The following PTPRJ variants were observed in gnomAD, a reference collection of about 807,000 sequenced individuals.
The protein encoded by PTPRJ is protein tyrosine phosphatase receptor type J.
PTPRJ carries 129 observed loss-of-function variants against 141.3 expected under a neutral mutation model. That is an observed-to-expected ratio of 0.91 (90% confidence interval 0.79 to 1.06). The LOEUF (loss-of-function observed/expected upper bound fraction) is 1.06, where lower values mean the gene tolerates loss of function less well. Among genes scored for constraint, PTPRJ ranks in the 50% least tolerant of loss-of-function variants. The pLI, the probability that PTPRJ is intolerant of heterozygous loss-of-function variation, is 0.00. For synonymous variants in PTPRJ, 610 were observed against 640.5 expected, an observed-to-expected ratio of 0.95 and a Z score of 0.72; for missense variants, 1,601 against 1,679.7, an observed-to-expected ratio of 0.95 and a Z score of 0.82.
At chr11:48,057,519 C>T (rs1287419994) in intron 1 of PTPRJ, among the ~76,000 whole-genome samples, 6 of 152,060 alleles carry the variant, frequency 3.9e-5, no homozygotes, top group African/African-American at 9.7e-5. Flanking sequence ...AGGCCAGTCA[C>T]GGGCAGCCTT....
intron 1 of PTPRJ, among the ~76,000 whole-genome samples, chr11:48,001,125 T>C (rs1166334288): frequency 6.6e-6 from 1 of 151,604 alleles, no homozygotes; most frequent in Non-Finnish European, 1.5e-5. Flanking sequence ...TCCCCAGTAG[T>C]TGGGACTACA....
intron 3 of PTPRJ, among the ~76,000 whole-genome samples, chr11:48,118,740 CA>C (rs1856628749): frequency 6.6e-6 from 1 of 151,930 alleles, no homozygotes; most frequent in Admixed American, 6.5e-5. Context: ...AACATTTGAC[CA>C]AAAAATATTG....
At chr11:48,149,392 A>G in intron 15 of PTPRJ, 55 bp from the exon 16 acceptor site, 2 of 1,211,636 alleles carry the variant, frequency 1.7e-6, no homozygotes, top group Non-Finnish European at 2.4e-6. Flanking sequence ...ACACAAGGGA[A>G]AAGCACAGGA....
At position 48,160,050 on chromosome 11, in the gene PTPRJ, G is replaced by T. The variant is rs964749729; in HGVS notation, c.3558+1G>T. 3 of 1,613,626 alleles carry T rather than the reference G, an allele frequency of 1.9e-6. No individual in the cohort carries two copies. In the African/African-American group the frequency reaches 4.0e-5, roughly 22 times the overall value. ...CATCAGAGATTTCACAGTGAAAAAT[G>T]TAAGTAAGAAGTCAGGATCAGTTGA... On this transcript the variant is annotated splice_donor_variant, in intron 22 of 24. Transcript: ENST00000418331. LOFTEE classifies it high-confidence loss of function.
intron 1 of PTPRJ, among the ~76,000 whole-genome samples, chr11:48,100,888 G>GAAA (rs71457246): frequency 1.1e-5 from 1 of 90,352 alleles, no homozygotes; most frequent in Non-Finnish European, 2.4e-5. Flanking sequence ...GTCTCAAAAA[G>GAAA]AAAAAAAAAA....
At chr11:48,048,342 G>A (rs990942074) in intron 1 of PTPRJ, among the ~76,000 whole-genome samples, 1 of 152,136 alleles carries the variant, frequency 6.6e-6, no homozygotes, top group Admixed American at 6.5e-5. Flanking sequence ...GCAGTGCCCC[G>A]CTGCTGGGAA....
chr11:48,146,397 G>A (rs1232180253), intron 14 of PTPRJ, among the ~76,000 whole-genome samples: 1 of 152,172 alleles, frequency 6.6e-6, no homozygotes, highest in Admixed American at 6.5e-5. Context: ...GTTGTTGGGC[G>A]CAGGAAAGAA....
At chr11:48,059,110 C>CTTTTT (rs917350262) in intron 1 of PTPRJ, among the ~76,000 whole-genome samples, 2 of 102,160 alleles carry the variant, frequency 2.0e-5, no homozygotes, top group Non-Finnish European at 1.9e-5. Flanking sequence ...TGTGCTGTGC[C>CTTTTT]TTTTTTTTTT....
At chr11:48,011,064 G>A (rs1374502073) in intron 1 of PTPRJ, among the ~76,000 whole-genome samples, 2 of 152,112 alleles carry the variant, frequency 1.3e-5, no homozygotes, top group Non-Finnish European at 2.9e-5. Flanking sequence ...GTCAGTGGTG[G>A]TCCCTACTGC....
At chr11:48,047,659 T>C (rs549782226) in intron 1 of PTPRJ, among the ~76,000 whole-genome samples, 5 of 152,214 alleles carry the variant, frequency 3.3e-5, no homozygotes, top group African/African-American at 1.2e-4. Context: ...CGTGCCACCA[T>C]GCCTGGCTAA....
chr11:48,108,089 A>G (rs1170961053), intron 1 of PTPRJ, among the ~76,000 whole-genome samples: 2 of 152,186 alleles, frequency 1.3e-5, no homozygotes, highest in Non-Finnish European at 2.9e-5. Context: ...CTCTTAAGAA[A>G]AAAGTTATTC....
chr11:48,130,382 A>T (rs1270312238), intron 7 of PTPRJ, 77 bp from the exon 8 acceptor site: 1 of 1,402,544 alleles, frequency 7.1e-7, no homozygotes, highest in Non-Finnish European at 9.8e-7. Context: ...ATTTCATCTC[A>T]GTATTTTCTG....
At chr11:48,113,894 G>A (rs545887418) in intron 3 of PTPRJ, among the ~76,000 whole-genome samples, 16 of 152,054 alleles carry the variant, frequency 1.1e-4, no homozygotes, top group Non-Finnish European at 1.6e-4. Flanking sequence ...AAAATTCTCC[G>A]GGAGCCTTAA....
intron 1 of PTPRJ, among the ~76,000 whole-genome samples, chr11:48,092,602 G>A (rs930230496): frequency 2.6e-5 from 4 of 151,976 alleles, no homozygotes; most frequent in African/African-American, 9.7e-5. Context: ...GCTAATTTTT[G>A]TATTTTTAGT....
chr11:47,986,060 A>G (rs1206201703), intron 1 of PTPRJ, among the ~76,000 whole-genome samples: 2 of 152,126 alleles, frequency 1.3e-5, no homozygotes, highest in Non-Finnish European at 2.9e-5. Context: ...TCCTGGGTCC[A>G]GTTGACATCC....
chr11:48,110,752 G>A (rs1400602062), intron 2 of PTPRJ, among the ~76,000 whole-genome samples: 1 of 152,128 alleles, frequency 6.6e-6, no homozygotes, highest in African/African-American at 2.4e-5. Flanking sequence ...AGAATGGGGT[G>A]GAAGATCGTC....
intron 1 of PTPRJ, among the ~76,000 whole-genome samples, chr11:48,022,191 C>T (rs750800287): frequency 4.4e-4 from 58 of 132,518 alleles, no homozygotes; most frequent in African/African-American, 7.5e-4. Flanking sequence ...AGTCCGGGCG[C>T]GGTGGCTCAT....
At chr11:47,985,062 A>T (rs780797169) in intron 1 of PTPRJ, among the ~76,000 whole-genome samples, 2 of 150,976 alleles carry the variant, frequency 1.3e-5, no homozygotes, top group African/African-American at 4.9e-5. Context: ...CATGTTGGCC[A>T]GGATGGTCTT....
At chr11:48,136,626 G>A (rs570930480) in intron 9 of PTPRJ, among the ~76,000 whole-genome samples, 9 of 152,286 alleles carry the variant, frequency 5.9e-5, no homozygotes, top group East Asian at 1.9e-4. Context: ...GAGGAGCTTC[G>A]CCTGCAACAG....
Sources: gnomAD v4.1 joint callset for allele counts (sites outside exome capture counted in the v4.1 genomes callset) on GRCh38, gnomAD v4.1.1 for gene constraint, MANE v1.5 for transcripts, NCBI Gene and HGNC (gene_info 2026-07-23, HGNC 2026-07-21) for gene names.